NXN: variants seen among roughly 807,000 people sequenced by gnomAD.
NXN encodes nucleoredoxin 1.
Under a neutral mutation model 48.6 loss-of-function variants are expected in NXN, and 16 were observed. That is an observed-to-expected ratio of 0.33 (90% CI 0.22 to 0.50). The LOEUF (loss-of-function observed/expected upper bound fraction) is 0.50. Ranked by LOEUF, NXN falls within the 20% of genes least tolerant of loss-of-function variation. The probability of loss-of-function intolerance (pLI) is 0.98; values close to 1 mark genes in which losing one functional copy is unlikely to be tolerated. For missense variants in NXN, 492 were observed against 605.5 expected, an observed-to-expected ratio of 0.81 and a Z score of 1.97; for synonymous variants, 281 against 269.6, an observed-to-expected ratio of 1.04 and a Z score of -0.41.
intron 1 of NXN, among the ~76,000 whole-genome samples, chr17:827,073 G>C (rs1016161913): frequency 6.6e-6 from 1 of 152,220 alleles, no homozygotes; most frequent in African/African-American, 2.4e-5. Flanking sequence ...ATGCAATGTC[G>C]GGGCCGGGCA....
rs868607252 is a variant in NXN at position 866,929 on chromosome 17, A to T, written c.361-40851T>A. Among the ~76,000 whole-genome samples the T allele has an allele frequency of 6.6e-5, 10 of 152,346 alleles. No individual in the cohort carries two copies. In the South Asian group the frequency reaches 8.3e-4, roughly 13 times the overall value. On this transcript the variant is annotated intron_variant, in intron 1 of 7. Transcript: ENST00000336868. ...GCTGCGGGTCAGAACATGTGAGTGG[A>T]AACAGTTCCCAGGAAAGAAAACTGA...
chr17:896,546 C>T (rs573884391), intron 1 of NXN, among the ~76,000 whole-genome samples: 18 of 152,262 alleles, frequency 1.2e-4, no homozygotes, highest in African/African-American at 3.6e-4. Flanking sequence ...GAACTATTCC[C>T]GTACCTCTCC....
At chr17:971,234 C>T (rs549290704) in intron 1 of NXN, among the ~76,000 whole-genome samples, 1 of 152,018 alleles carries the variant, frequency 6.6e-6, no homozygotes, top group East Asian at 2.0e-4. Flanking sequence ...GCGTGAGCCA[C>T]CGCGCGTGGC....
chr17:806,163 C>T (rs369356838), intron 5 of NXN, among the ~76,000 whole-genome samples: 7 of 130,146 alleles, frequency 5.4e-5, no homozygotes, highest in Non-Finnish European at 9.8e-5. Flanking sequence ...CTGCAGCCCC[C>T]GCCGTCTGCA....
intron 5 of NXN, among the ~76,000 whole-genome samples, chr17:807,524 G>C (rs1385183406): frequency 6.6e-6 from 1 of 152,220 alleles, no homozygotes; most frequent in Non-Finnish European, 1.5e-5. Flanking sequence ...TGTGGCTGCA[G>C]CCTCTTTTGA....
rs538495031 is a variant in NXN at position 960,767 on chromosome 17, C to A, written c.360+18552G>T. Among the ~76,000 whole-genome samples the A allele has an allele frequency of 9.9e-5, 15 of 151,642 alleles. No homozygotes were observed. The East Asian group carries it at 2.7e-3, about 28-fold the overall frequency. On this transcript the variant is annotated intron_variant, in intron 1 of 7. Coordinates refer to ENST00000336868, the MANE Select transcript of NXN (RefSeq NM_022463.5). ...CACTGGGATTACAGGTGTGAGCCAC[C>A]ACGCCTGGCCAATTAACTCGATTTT... is the stretch of plus-strand genomic sequence containing the variant.
intron 1 of NXN, among the ~76,000 whole-genome samples, chr17:892,673 T>C (rs1477429533): frequency 2.2e-4 from 34 of 152,236 alleles, no homozygotes. Context: ...TTCCGCACAT[T>C]GTAGAATGTT....
intron 1 of NXN, among the ~76,000 whole-genome samples, chr17:839,209 C>T (rs968844316): frequency 4.6e-5 from 7 of 152,030 alleles, no homozygotes; most frequent in African/African-American, 9.6e-5. Context: ...CCGAGGCGGG[C>T]GGATCACTTG....
chr17:853,719 ATATAT>A lies in NXN; in HGVS notation c.361-27646_361-27642del, dbSNP rs1261532909. ...GTTATACACATATATATATATATATATATATTTTTTTTTTTTTTTCCAAGACGGAG... is the reference window on the plus strand; with the variant it reads ...GTTATACACATATATATATATATATATTTTTTTTTTTTTTCCAAGACGGAG... On this transcript the variant is annotated intron_variant, in intron 1 of 7. Coordinates refer to ENST00000336868, the MANE Select transcript of NXN (RefSeq NM_022463.5). 4.4e-3 allele frequency among the ~76,000 whole-genome samples: 450 copies of A among 101,846 alleles called. 3 individuals carry two copies. Among genetic ancestry groups the A allele is most frequent in the South Asian group, 0.016 (52 of 3,282 alleles). The allele number at this position is 101,846 out of a possible 152,430, so 66.8% of individuals were successfully genotyped here.
chr17:883,228 C>T (rs1026545206), intron 1 of NXN, among the ~76,000 whole-genome samples: 20 of 152,112 alleles, frequency 1.3e-4, no homozygotes, highest in East Asian at 1.9e-4. Flanking sequence ...ACTCAGACAG[C>T]GACGGTGTCA....
At chr17:902,838 G>T (rs2068549494) in intron 1 of NXN, among the ~76,000 whole-genome samples, 1 of 150,966 alleles carries the variant, frequency 6.6e-6, no homozygotes, top group African/African-American at 2.4e-5. Context: ...GAGTGCAATG[G>T]CGCGATCTCA....
intron 1 of NXN, among the ~76,000 whole-genome samples, chr17:836,331 G>C (rs907771702): frequency 6.6e-6 from 1 of 152,204 alleles, no homozygotes; most frequent in African/African-American, 2.4e-5. Context: ...AGCCAACGCA[G>C]ATGTAGGATT....
intron 1 of NXN, among the ~76,000 whole-genome samples, chr17:953,474 C>T (rs1344408627): frequency 6.6e-6 from 1 of 152,144 alleles, no homozygotes; most frequent in Non-Finnish European, 1.5e-5. Context: ...ACCTCGGATG[C>T]CCCACACCCC....
At chr17:878,916 G>A (rs941316701) in intron 1 of NXN, among the ~76,000 whole-genome samples, 1 of 152,170 alleles carries the variant, frequency 6.6e-6, no homozygotes, top group Non-Finnish European at 1.5e-5. Context: ...TGTAATCCCA[G>A]CACTTTGGGA....
intron 1 of NXN, chr17:929,592 A>G (rs1194628661): frequency 2.0e-5 from 3 of 152,232 alleles, no homozygotes; most frequent in Non-Finnish European, 4.4e-5. Context: ...ACCAGCTAAC[A>G]GGAACTAAAA....
In NXN at chr17:957,501, G is replaced by A. The variant is rs550477660; in HGVS notation, c.360+21818C>T. 6.5e-4 allele frequency among the ~76,000 whole-genome samples: 99 copies of A among 151,716 alleles called. 1 individual carries two copies. The highest frequency in any genetic ancestry group is 1.5e-3 in the East Asian group (8 of 5,172). Reference sequence around the variant, plus strand: ...ACAAAAATTACCTGAGCGTGGTGGTGCACGCCTGTAGTCCCAGCTACTCGG... The same window carrying A: ...ACAAAAATTACCTGAGCGTGGTGGTACACGCCTGTAGTCCCAGCTACTCGG... On this transcript the variant is annotated intron_variant, in intron 1 of 7. Coordinates refer to ENST00000336868, the MANE Select transcript of NXN (RefSeq NM_022463.5).
chr17:878,819 G>A (rs970133075), intron 1 of NXN, among the ~76,000 whole-genome samples: 11 of 152,262 alleles, frequency 7.2e-5, no homozygotes, highest in South Asian at 4.1e-4. Context: ...AAAAAAACAC[G>A]CAGAGCCAGT....
chr17:909,080 C>A (rs1454024294), intron 1 of NXN, among the ~76,000 whole-genome samples: 3 of 132,742 alleles, frequency 2.3e-5, no homozygotes, highest in Non-Finnish European at 4.6e-5. Flanking sequence ...GCCTGGGCGA[C>A]AGAGTGAGAC....
chr17:850,224 C>T (rs796752036), intron 1 of NXN, among the ~76,000 whole-genome samples: 43 of 152,306 alleles, frequency 2.8e-4, no homozygotes, highest in African/African-American at 9.9e-4. Context: ...CCCTTTCTCA[C>T]GGATCATTCT....
Sources: gnomAD v4.1 joint callset for allele counts (sites outside exome capture counted in the v4.1 genomes callset) on GRCh38, gnomAD v4.1.1 for gene constraint, MANE v1.5 for transcripts, NCBI Gene and HGNC (gene_info 2026-07-23, HGNC 2026-07-21) for gene names.